Variants in PARD3 observed in about 807,000 individuals in gnomAD.
PARD3 encodes the protein par-3 family cell polarity regulator.
A neutral mutation model predicts 155.4 loss-of-function variants in PARD3; 75 were observed. The ratio of observed to expected loss-of-function variants is 0.48; its 90% CI spans 0.40 to 0.58. The LOEUF (loss-of-function observed/expected upper bound fraction) is 0.58, where lower values mean the gene tolerates loss of function less well. Among genes scored for constraint, PARD3 ranks in the 20% least tolerant of loss-of-function variants. PARD3 has a pLI of 0.00. For synonymous variants in PARD3, 576 were observed against 610.5 expected (o/e 0.94, Z 0.83); for missense variants, 1,642 against 1,721.7 (o/e 0.95, Z 0.82).
chr10:34,345,876 AG>A (rs1292994481), intron 15 of PARD3: 26 of 985,412 alleles, frequency 2.6e-5, no homozygotes, highest in African/African-American at 2.1e-4. Context: ...ACTGACAAAA[AG>A]TGAGGAATTT....
chr10:34,813,253 C>A lies in PARD3; in HGVS notation c.120+1623G>T, dbSNP rs149169449. ...TTAGTAAAGTGAAAGAAAATGTTGA[C>A]CACCCTCTTCCTATTCAGGAGCCTA... On this transcript the variant is annotated intron_variant, in intron 1 of 24. Transcript: ENST00000374788. 5.2e-3 allele frequency among the ~76,000 whole-genome samples: 795 copies of A among 152,274 alleles called. 5 individuals carry two copies. The highest frequency in any genetic ancestry group is 8.4e-3 in the Non-Finnish European group (571 of 68,028).
intron 2 of PARD3, among the ~76,000 whole-genome samples, chr10:34,614,362 T>C (rs1590235547): frequency 1.3e-5 from 2 of 152,156 alleles, no homozygotes; most frequent in East Asian, 3.9e-4. Context: ...TAACAATGAG[T>C]AGTCAGAAGA....
intron 22 of PARD3, among the ~76,000 whole-genome samples, chr10:34,171,439 A>C (rs775924585): frequency 3.3e-5 from 5 of 152,168 alleles, no homozygotes; most frequent in Non-Finnish European, 5.9e-5. Flanking sequence ...AAAACCAAAA[A>C]TTCCACAAAG....
chr10:34,580,082 T>C (rs1321439205), intron 2 of PARD3, among the ~76,000 whole-genome samples: 3 of 151,234 alleles, frequency 2.0e-5, no homozygotes, highest in Admixed American at 2.0e-4. Context: ...CCTGGATAAT[T>C]CTTTATATTT....
intron 2 of PARD3, among the ~76,000 whole-genome samples, chr10:34,575,091 T>C (rs1375578198): frequency 6.6e-6 from 1 of 152,162 alleles, no homozygotes; most frequent in Non-Finnish European, 1.5e-5. Flanking sequence ...GCAATCCTCC[T>C]GCCTCAACCT....
chr10:34,638,255 A>G lies in PARD3; in HGVS notation c.222+58063T>C, dbSNP rs562371003. ...ATGAAGCCACCAATAAGAAACTGCC[A>G]TGCTTTCTTCTTGGTTACACATCAA... On this transcript the variant is annotated intron_variant, in intron 2 of 24. Transcript: ENST00000374788. Among the ~76,000 whole-genome samples, 15 of 152,304 alleles carry G rather than the reference A, an allele frequency of 9.8e-5. No homozygotes were observed. In the East Asian group the frequency reaches 2.9e-3, roughly 29 times the overall value.
chr10:34,551,421 C>G (rs1247331487), intron 2 of PARD3, among the ~76,000 whole-genome samples: 2 of 152,172 alleles, frequency 1.3e-5, no homozygotes, highest in African/African-American at 2.4e-5. Context: ...TCCATCCACT[C>G]ACTCAAATGA....
At chr10:34,279,692 A>G (rs1162701679) in intron 21 of PARD3, among the ~76,000 whole-genome samples, 1 of 152,204 alleles carries the variant, frequency 6.6e-6, no homozygotes, top group Non-Finnish European at 1.5e-5. Flanking sequence ...TGGTAAAATT[A>G]GAAAGAGAGG....
intron 11 of PARD3, among the ~76,000 whole-genome samples, chr10:34,374,431 T>C (rs1841013836): frequency 6.6e-6 from 1 of 152,190 alleles, no homozygotes; most frequent in African/African-American, 2.4e-5. Flanking sequence ...GGTATTCCTT[T>C]TCATACAACA....
chr10:34,331,049 C>T, intron 19 of PARD3, 68 bp downstream of exon 19: 2 of 1,244,762 alleles, frequency 1.6e-6, no homozygotes, highest in Non-Finnish European at 2.3e-6. Flanking sequence ...CTCCAGGGCT[C>T]CCTGGAGCTC....
intron 22 of PARD3, among the ~76,000 whole-genome samples, chr10:34,189,751 A>C (rs1588689315): frequency 2.0e-5 from 3 of 152,336 alleles, no homozygotes; most frequent in East Asian, 3.9e-4. Context: ...TTTTCCCAAA[A>C]AAGGACAACT....
intron 2 of PARD3, among the ~76,000 whole-genome samples, chr10:34,563,185 TATC>T (rs933975588): frequency 3.9e-4 from 60 of 152,242 alleles, no homozygotes; most frequent in African/African-American, 1.3e-3. Flanking sequence ...CCATATTTTG[TATC>T]ATCATTCTTT....
chr10:34,470,922 C>T (rs571198955), intron 3 of PARD3, among the ~76,000 whole-genome samples: 1 of 152,146 alleles, frequency 6.6e-6, no homozygotes, highest in South Asian at 2.1e-4. Flanking sequence ...GTGTGAATAT[C>T]CTAATTACCT....
chr10:34,699,130 T>C lies in PARD3; in HGVS notation c.121-2711A>G, dbSNP rs928620221. 5.3e-5 allele frequency among the ~76,000 whole-genome samples: 8 copies of C among 152,226 alleles called. No individual in the cohort carries two copies. The East Asian group carries it at 1.5e-3, about 29-fold the overall frequency. ...CTTTTCTAATTTTGAGAGTCAATGG[T>C]TGACTCCTGCCTCCGGAGGGGTCCT... On this transcript the variant is annotated intron_variant, in intron 1 of 24. Transcript: ENST00000374788.
At chr10:34,240,701 T>A (rs996696255) in intron 22 of PARD3, among the ~76,000 whole-genome samples, 4 of 152,146 alleles carry the variant, frequency 2.6e-5, no homozygotes, top group African/African-American at 9.7e-5. Flanking sequence ...CTGGTGGAGA[T>A]GTCTTCTTGG....
At chr10:34,789,316 T>G (rs1193411281) in intron 1 of PARD3, among the ~76,000 whole-genome samples, 3 of 152,004 alleles carry the variant, frequency 2.0e-5, no homozygotes, top group African/African-American at 4.8e-5. Context: ...TTACCAAAAT[T>G]TTTGCGAGAC....
chr10:34,627,540 G>A (rs903919917), intron 2 of PARD3, among the ~76,000 whole-genome samples: 1 of 152,186 alleles, frequency 6.6e-6, no homozygotes, highest in Admixed American at 6.6e-5. Flanking sequence ...CAGACAAGAC[G>A]CAAAGGGAAG....
At chr10:34,113,262 T>C (rs750509343) in intron 24 of PARD3, among the ~76,000 whole-genome samples, 6 of 152,184 alleles carry the variant, frequency 3.9e-5, no homozygotes, top group African/African-American at 7.2e-5. Context: ...GGCTTCGCTC[T>C]ACGGCAGCTG....
At chr10:34,628,088 A>G (rs2132785125) in intron 2 of PARD3, among the ~76,000 whole-genome samples, 1 of 152,328 alleles carries the variant, frequency 6.6e-6, no homozygotes, top group Admixed American at 6.5e-5. Flanking sequence ...AATTCACAAT[A>G]AATGCAGGAT....
Sources: allele counts gnomAD v4.1 joint callset (sites outside exome capture counted in the v4.1 genomes callset), GRCh38; gene constraint gnomAD v4.1.1; transcripts MANE v1.5; gene names NCBI Gene and HGNC (gene_info 2026-07-23, HGNC 2026-07-21).